MARCHF1: variants seen among roughly 807,000 people sequenced by gnomAD.
MARCHF1 encodes the protein membrane associated ring-CH-type finger 1.
Under a neutral mutation model 54.2 loss-of-function variants are expected in MARCHF1, and 40 were observed. The ratio of observed to expected loss-of-function variants is 0.74; its 90% CI spans 0.57 to 0.96. MARCHF1 has a LOEUF of 0.96. Ranked by LOEUF, MARCHF1 falls within the 40% of genes least tolerant of loss-of-function variation. The pLI, the probability that MARCHF1 is intolerant of heterozygous loss-of-function variation, is 0.00. For missense variants in MARCHF1, 586 were observed against 656.5 expected (o/e 0.89, Z 1.17); for synonymous variants, 236 against 236.3 (o/e 1.00, Z 0.01).
chr4:164,077,193 T>C (rs541691583), intron 2 of MARCHF1, among the ~76,000 whole-genome samples: 4 of 152,162 alleles, frequency 2.6e-5, no homozygotes, highest in East Asian at 3.9e-4. Context: ...TATAGACCAA[T>C]GGAACAGAAC....
chr4:164,330,500 A>G (rs1385293742), intron 1 of MARCHF1, among the ~76,000 whole-genome samples: 3 of 152,212 alleles, frequency 2.0e-5, no homozygotes, highest in African/African-American at 4.8e-5. Flanking sequence ...AAAGCTCCAT[A>G]TGCTTCAAAC....
rs373781238 is a variant in MARCHF1, at chr4:163,542,018, C to T, written c.1339+3578G>A. Among the ~76,000 whole-genome samples the T allele has an allele frequency of 5.9e-5, 9 of 152,322 alleles. No homozygotes were observed. In the South Asian group the frequency reaches 8.3e-4, roughly 14 times the overall value. On this transcript the variant is annotated intron_variant, in intron 9 of 9. Transcript: ENST00000514618. ...GTTCTAGAGCTGTCCCGCTGGCAAG[C>T]GGCTCTACAGGAATTACCACGGACA...
chr4:163,912,464 TG>T (rs1235820775), intron 3 of MARCHF1, among the ~76,000 whole-genome samples: 2 of 152,130 alleles, frequency 1.3e-5, no homozygotes, highest in African/African-American at 4.8e-5. Context: ...GAGGGACACT[TG>T]AGATTGCCTT....
At chr4:163,964,087 C>T (rs893275774) in intron 3 of MARCHF1, among the ~76,000 whole-genome samples, 2 of 151,916 alleles carry the variant, frequency 1.3e-5, no homozygotes, top group Non-Finnish European at 2.9e-5. Context: ...AGGGTAATAA[C>T]CTATTTCCTA....
chr4:164,095,138 T>C (rs1170938440), intron 2 of MARCHF1, among the ~76,000 whole-genome samples: 1 of 152,020 alleles, frequency 6.6e-6, no homozygotes, highest in Non-Finnish European at 1.5e-5. Context: ...AAAACAGAAG[T>C]ATGAGAGGTC....
intron 3 of MARCHF1, among the ~76,000 whole-genome samples, chr4:163,938,345 T>C (rs1311552539): frequency 6.6e-6 from 1 of 152,198 alleles, no homozygotes; most frequent in Non-Finnish European, 1.5e-5. Context: ...CTCCCTGATG[T>C]AAGGCATTCA....
chr4:163,872,925 TC>T (rs1229587914), intron 3 of MARCHF1, among the ~76,000 whole-genome samples: 29 of 151,932 alleles, frequency 1.9e-4, no homozygotes, highest in Non-Finnish European at 4.1e-4. Context: ...GCGCCTGTAG[TC>T]CCAGCTACTC....
chr4:164,253,664 C>T (rs1733187612), intron 1 of MARCHF1, among the ~76,000 whole-genome samples: 1 of 152,026 alleles, frequency 6.6e-6, no homozygotes, highest in Non-Finnish European at 1.5e-5. Context: ...AAATGTTAAG[C>T]ATATACGTGG....
At chr4:164,151,574 A>C (rs1433884387) in intron 1 of MARCHF1, among the ~76,000 whole-genome samples, 3 of 152,058 alleles carry the variant, frequency 2.0e-5, no homozygotes, top group Non-Finnish European at 4.4e-5. Context: ...TCCATTTCTG[A>C]GCTTGCTATG....
chr4:164,367,811 C>T (rs1730918770), intron 1 of MARCHF1, among the ~76,000 whole-genome samples: 1 of 151,754 alleles, frequency 6.6e-6, no homozygotes, highest in Non-Finnish European at 1.5e-5. Flanking sequence ...TGTGAAATTG[C>T]ATGAGTCCAG....
intron 1 of MARCHF1, among the ~76,000 whole-genome samples, chr4:164,274,069 G>C (rs1733809633): frequency 6.6e-6 from 1 of 151,626 alleles, no homozygotes; most frequent in Non-Finnish European, 1.5e-5. Flanking sequence ...TTACAGTACA[G>C]AAGAAAATGT....
At position 163,980,002 on chromosome 4, in the gene MARCHF1, A is replaced by T. The variant is rs192715512; in HGVS notation, c.-39+8499T>A. ...GTTCACTAATGACTTTCTTCACAGA[A>T]TTGGAAAAAACTACTTTAAAGTTCA... On this transcript the variant is annotated intron_variant, in intron 3 of 9. Coordinates refer to ENST00000514618, the MANE Select transcript of MARCHF1 (RefSeq NM_001394959.1). Among the ~76,000 whole-genome samples, 17 of 152,062 alleles carry T rather than the reference A, an allele frequency of 1.1e-4. No homozygotes were observed. In the East Asian group the frequency reaches 3.3e-3, roughly 29 times the overall value.
At chr4:163,740,489 C>G (rs1422142475) in intron 4 of MARCHF1, among the ~76,000 whole-genome samples, 2 of 152,094 alleles carry the variant, frequency 1.3e-5, no homozygotes, top group African/African-American at 4.8e-5. Flanking sequence ...TTCTTCATGG[C>G]CCAATCACCA....
At chr4:163,928,241 T>C (rs1431672109) in intron 3 of MARCHF1, among the ~76,000 whole-genome samples, 3 of 151,934 alleles carry the variant, frequency 2.0e-5, no homozygotes, top group Non-Finnish European at 4.4e-5. Flanking sequence ...ATTATCTATA[T>C]GCCAATTATT....
chr4:163,939,941 T>A (rs1400698531), intron 3 of MARCHF1, among the ~76,000 whole-genome samples: 2 of 152,166 alleles, frequency 1.3e-5, no homozygotes, highest in Non-Finnish European at 2.9e-5. Context: ...AGAATTGATA[T>A]GTTGAAATCC....
chr4:164,351,181 G>A (rs969381578), intron 1 of MARCHF1, among the ~76,000 whole-genome samples: 1 of 151,676 alleles, frequency 6.6e-6, no homozygotes, highest in East Asian at 1.9e-4. Context: ...AGCGAGGCTG[G>A]GGTAGGGGCG....
chr4:163,986,246 C>CTTTTTTTTTTTTTTTT lies in MARCHF1; in HGVS notation c.-39+2254_-39+2255insAAAAAAAAAAAAAAAA, dbSNP rs1752861022. Among the ~76,000 whole-genome samples, 28 of 73,768 alleles carry CTTTTTTTTTTTTTTTT rather than the reference C, an allele frequency of 3.8e-4. 1 individual carries two copies. The highest frequency in any genetic ancestry group is 9.7e-4 in the Admixed American group (5 of 5,164). The allele number at this position is 73,768 out of a possible 152,430, so 48.4% of individuals were successfully genotyped here. Reference sequence around the variant, plus strand: ...CCTTTCCTTTTCTCCTAATTAACCTCTTCTTTTTTTTTTTTTTTTTTTTTT... The same window carrying CTTTTTTTTTTTTTTTT: ...CCTTTCCTTTTCTCCTAATTAACCTCTTTTTTTTTTTTTTTTTTCTTTTTTTTTTTTTTTTTTTTTT... On this transcript the variant is annotated intron_variant, in intron 3 of 9. Transcript: ENST00000514618.
At chr4:163,575,505 T>C (rs1228020214) in intron 8 of MARCHF1, among the ~76,000 whole-genome samples, 1 of 152,082 alleles carries the variant, frequency 6.6e-6, no homozygotes, top group Non-Finnish European at 1.5e-5. Context: ...GTTGCTGGGC[T>C]GTAGTTTTCT....
rs1371747915 is a variant in MARCHF1 at position 163,585,775 on chromosome 4, C to T, written c.1165G>A (p.Glu389Lys). The change falls in exon 8 of 10, where the codon GAG (glutamate) becomes AAG (lysine). Residue 389 changes from glutamate (E) to lysine (K), a missense_variant. Physicochemically the swap from Glu to Lys is moderately conservative, Grantham distance 56. Coordinates refer to ENST00000514618, the MANE Select transcript of MARCHF1 (RefSeq NM_001394959.1). ...TTCCGGAGGGGTTTGAGCTTGGTCT[C>T]CATTATGAAGTCATACTTGCAGAGC... ...CELCKYDFIM[E>K]TKLKPLRKWE... 2.5e-6 allele frequency: 4 copies of T among 1,610,432 alleles called. No individual in the cohort carries two copies. Among genetic ancestry groups the T allele is most frequent in the East Asian group, 4.5e-5 (2 of 44,834 alleles).
Sources: allele counts gnomAD v4.1 joint callset (sites outside exome capture counted in the v4.1 genomes callset), GRCh38; gene constraint gnomAD v4.1.1; transcripts MANE v1.5; gene names NCBI Gene and HGNC (gene_info 2026-07-23, HGNC 2026-07-21).